The following ZNF25 variants were observed in gnomAD, a reference collection of about 807,000 sequenced individuals.
The protein encoded by ZNF25 is zinc finger protein 25 (KOX 19).
A neutral mutation model predicts 30.9 loss-of-function variants in ZNF25; 21 were observed. That is an observed-to-expected ratio of 0.68 (90% CI 0.48 to 0.98). The LOEUF (loss-of-function observed/expected upper bound fraction) is 0.98. ZNF25 is among the 50% of genes least tolerant of loss of function. The pLI is 0.00. For synonymous variants in ZNF25, 169 were observed against 181.3 expected (o/e 0.93, Z 0.55); for missense variants, 501 against 529.9 (o/e 0.95, Z 0.54).
In ZNF25 at chr10:37,952,665, C is replaced by A; in HGVS notation, c.833G>T (p.Arg278Ile). 2 of 1,611,378 alleles carry A rather than the reference C, an allele frequency of 1.2e-6. No individual in the cohort carries two copies. The highest frequency in any genetic ancestry group is 2.2e-5 in the East Asian group (1 of 44,660). Residue 278 changes from arginine to isoleucine, a missense_variant, in exon 6 of 6, where the codon AGA becomes ATA. By Grantham distance (97) the Arg-to-Ile change is moderately conservative. Coordinates refer to ENST00000302609, the MANE Select transcript of ZNF25 (RefSeq NM_145011.4). ...ATAGGGTTTCTCCCCTGTGTGCATTCTCTGATGTACTGTGAGGTGTGACTT... is the reference window on the plus strand; with the variant it reads ...ATAGGGTTTCTCCCCTGTGTGCATTATCTGATGTACTGTGAGGTGTGACTT... ...SQKSHLTVHQ[R>I]MHTGEKPYKC...
At chr10:37,956,573 G>A (rs992813185) in intron 4 of ZNF25, among the ~76,000 whole-genome samples, 3 of 152,116 alleles carry the variant, frequency 2.0e-5, no homozygotes, top group East Asian at 1.9e-4. Flanking sequence ...TTTTTTACAC[G>A]TGCAAATAAA....
chr10:37,973,332 C>T (rs996090919), intron 1 of ZNF25, among the ~76,000 whole-genome samples: 1 of 151,936 alleles, frequency 6.6e-6, no homozygotes, highest in Non-Finnish European at 1.5e-5. Context: ...AAGTATAAAA[C>T]AGGCTGGGCA....
At chr10:37,971,612 C>G (rs1004170288) in intron 2 of ZNF25, 96 bp downstream of exon 2, 4 of 1,568,726 alleles carry the variant, frequency 2.5e-6, no homozygotes, top group Non-Finnish European at 2.6e-6. Context: ...TATGGGCTCT[C>G]GTTCATAAAA....
At chr10:37,969,470 G>A (rs1046858860) in intron 2 of ZNF25, among the ~76,000 whole-genome samples, 3 of 152,176 alleles carry the variant, frequency 2.0e-5, no homozygotes, top group African/African-American at 7.2e-5. Flanking sequence ...GCTTCAAGGT[G>A]GATGAACCTG....
chr10:37,968,021 T>G (rs1419213262), intron 2 of ZNF25: 2 of 152,206 alleles, frequency 1.3e-5, no homozygotes, highest in African/African-American at 2.4e-5. Flanking sequence ...TTATAGAACA[T>G]TGTCACAATG....
intron 2 of ZNF25, among the ~76,000 whole-genome samples, chr10:37,957,957 G>T (rs1266619589): frequency 6.6e-6 from 1 of 152,134 alleles, no homozygotes; most frequent in Non-Finnish European, 1.5e-5. Flanking sequence ...CACTGTACAG[G>T]TTTGTAGCCT....
rs1399205351 is a variant in ZNF25, at chr10:37,970,094, G to T, written c.15+1614C>A. Among the ~76,000 whole-genome samples the T allele has an allele frequency of 4.6e-5, 7 of 152,242 alleles. No homozygotes were observed. The South Asian group carries it at 1.0e-3, about 23-fold the overall frequency. ...TAGCTTGAAATTTGCCATGGTGGGA[G>T]TATTTATACCACAGAAATTGGTAAA... is the stretch of plus-strand genomic sequence containing the variant. On this transcript the variant is annotated intron_variant, in intron 2 of 5. Coordinates refer to ENST00000302609, the MANE Select transcript of ZNF25 (RefSeq NM_145011.4).
rs751399701 is a variant in ZNF25 at position 37,957,522 on chromosome 10, T to A, written c.40A>T (p.Ile14Phe). The change falls in exon 3 of 6, where the codon ATT becomes TTT. Residue 14 changes from isoleucine (I) to phenylalanine (F), a missense_variant. Physicochemically the swap from Ile to Phe is conservative, Grantham distance 21 (BLOSUM62 0). Coordinates refer to ENST00000302609, the MANE Select transcript of ZNF25 (RefSeq NM_145011.4). The stretch of plus-strand genomic sequence containing the variant: ...CATTCTTCCTTGGTGAATTCCACAA[T>A]AACATCCTTTAATGTCACGGGTCCC... The part of the protein sequence containing the change: ...FQGPVTLKDV[I>F]VEFTKEEWKL... 2 of 1,613,630 alleles carry A rather than the reference T, an allele frequency of 1.2e-6. No homozygotes were observed. Among genetic ancestry groups the A allele is most frequent in the Non-Finnish European group, 1.7e-6 (2 of 1,179,844 alleles).
chr10:37,968,351 C>T (rs944494809), intron 2 of ZNF25, among the ~76,000 whole-genome samples: 15 of 148,646 alleles, frequency 1.0e-4, no homozygotes, highest in African/African-American at 3.2e-4. Context: ...CCACTGCACC[C>T]GGCCAATTTT....
intron 4 of ZNF25, 98 bp from the exon 5 acceptor site, chr10:37,953,856 A>C: frequency 1.8e-6 from 2 of 1,135,740 alleles, no homozygotes; most frequent in Non-Finnish European, 2.5e-6. Context: ...TCATAATGAA[A>C]GAACCTCAAA....
Position 37,952,292 on chromosome 10 carries a change from T to C in ZNF25, c.1206A>G (p.Glu402=), listed in dbSNP as rs146555827. The C allele has an allele frequency of 7.3e-4, 1,172 of 1,613,694 alleles. 3 individuals carry two copies. Among genetic ancestry groups the C allele is most frequent in the Non-Finnish European group, 9.3e-4 (1,103 of 1,179,862 alleles). Residue 402 remains glutamate, a synonymous_variant, in exon 6 of 6, where the codon GAA becomes GAG. Transcript: ENST00000302609. ...ACTTCTGAGAAAAGGACTTCCCACA[T>C]TCCTTGCATGCATAGGGCTTCTCTC... ...HTGEKPYACK[E]CGKSFSQKSH...
chr10:37,964,496 T>C (rs1306699665), intron 2 of ZNF25, among the ~76,000 whole-genome samples: 1 of 152,200 alleles, frequency 6.6e-6, no homozygotes, highest in East Asian at 1.9e-4. Flanking sequence ...AACCGGAGTA[T>C]AGGTCACCCA....
In ZNF25 at chr10:37,951,976, ATCTC is replaced by A. The variant is rs907459127; in HGVS notation, c.*147_*150del. The A allele has an allele frequency of 2.9e-4, 171 of 587,572 alleles. 1 individual carries two copies. The highest frequency in any genetic ancestry group is 1.2e-3 in the African/African-American group (64 of 52,698). The allele number at this position is 587,572 out of a possible 1,614,324, so 36.4% of individuals were successfully genotyped here. On this transcript the variant is annotated 3_prime_UTR_variant, in exon 6 of 6. Transcript: ENST00000302609. ...ATTTTCTCCCAAATAAATGTACAGAATCTCTCTATGTATTTGCTGATACACAGAG... is the reference window on the plus strand; with the variant it reads ...ATTTTCTCCCAAATAAATGTACAGAATCTATGTATTTGCTGATACACAGAG...
At chr10:37,960,061 C>T (rs1006449524) in intron 2 of ZNF25, among the ~76,000 whole-genome samples, 19 of 152,196 alleles carry the variant, frequency 1.2e-4, no homozygotes, top group African/African-American at 4.6e-4. Context: ...ACTATAGATG[C>T]CCGCCACCAT....
Position 37,952,138 on chromosome 10 carries a change from C to G in ZNF25, c.1360G>C (p.Ala454Pro), listed in dbSNP as rs2062174651. ...TTTCCCAACTCATCTTACTTCTCAG[C>G]ATTCCTCTTCTTTGTGTGTGTCTTC... ...HQKTHTKKRN[A>P]EK The change falls in exon 6 of 6, where the codon GCT (alanine) becomes CCT (proline). Residue 454 changes from alanine to proline, a missense_variant. Physicochemically the swap from Ala to Pro is conservative, Grantham distance 27. Coordinates refer to ENST00000302609, the MANE Select transcript of ZNF25 (RefSeq NM_145011.4). The G allele has an allele frequency of 6.4e-7, 1 of 1,561,406 alleles. No homozygotes were observed. Among genetic ancestry groups the G allele is most frequent in the East Asian group, 2.3e-5 (1 of 44,364 alleles).
chr10:37,964,044 T>C lies in ZNF25; in HGVS notation c.16-6498A>G, dbSNP rs531253842. Among the ~76,000 whole-genome samples the C allele has an allele frequency of 2.6e-5, 4 of 152,242 alleles. No homozygotes were observed. In the South Asian group the frequency reaches 8.3e-4, roughly 32 times the overall value. On this transcript the variant is annotated intron_variant, in intron 2 of 5. Coordinates refer to ENST00000302609, the MANE Select transcript of ZNF25 (RefSeq NM_145011.4). Reference sequence around the variant, plus strand: ...TTATCTCTCTCTCTTGCTCCCACTGTCACTATGTGATGTACTGGCTCCTGC... The same window carrying C: ...TTATCTCTCTCTCTTGCTCCCACTGCCACTATGTGATGTACTGGCTCCTGC...
intron 2 of ZNF25, among the ~76,000 whole-genome samples, chr10:37,968,326 G>A (rs2063300421): frequency 6.6e-6 from 1 of 151,210 alleles, no homozygotes; most frequent in Non-Finnish European, 1.5e-5. Context: ...AAAGTGTTGA[G>A]ATTACAGGCA....
chr10:37,957,783 T>C (rs1383888001), intron 2 of ZNF25, among the ~76,000 whole-genome samples: 2 of 152,138 alleles, frequency 1.3e-5, no homozygotes, highest in African/African-American at 4.8e-5. Flanking sequence ...AGAAAAAAAA[T>C]GAGTGTCATA....
At chr10:37,975,296 TG>T in intron 1 of ZNF25, among the ~76,000 whole-genome samples, 1 of 152,214 alleles carries the variant, frequency 6.6e-6, no homozygotes, top group African/African-American at 2.4e-5. Context: ...AATGAGGCGG[TG>T]GATATTGTAA....
Sources: allele counts gnomAD v4.1 joint callset (sites outside exome capture counted in the v4.1 genomes callset), GRCh38; gene constraint gnomAD v4.1.1; transcripts MANE v1.5; gene names NCBI Gene and HGNC (gene_info 2026-07-23, HGNC 2026-07-21).